ZFPM2: variants seen among roughly 807,000 people sequenced by gnomAD.
ZFPM2 encodes the protein zinc finger protein, FOG family member 2, also known as zinc finger protein ZFPM2.
In ZFPM2, 20 loss-of-function variants were observed where a neutral mutation model predicts 98.6. The ratio of observed to expected loss-of-function variants is 0.20; its 90% confidence interval spans 0.14 to 0.29. The LOEUF is 0.29. Among genes scored for constraint, ZFPM2 ranks in the 10% least tolerant of loss-of-function variants. The pLI is 1.00. For missense variants in ZFPM2, 1,310 were observed against 1,388.6 expected, an observed-to-expected ratio of 0.94 and a Z score of 0.90; for synonymous variants, 518 against 502.7, an observed-to-expected ratio of 1.03 and a Z score of -0.41.
At chr8:105,753,897 G>GTACACTCAGTATGGTCCT (rs1480093469) in intron 5 of ZFPM2, among the ~76,000 whole-genome samples, 4 of 152,266 alleles carry the variant, frequency 2.6e-5, no homozygotes, top group African/African-American at 7.2e-5. Context: ...GTTTCAGCAA[G>GTACACTCAGTATGGTCCT]TGTGTGCACT....
intron 2 of ZFPM2, among the ~76,000 whole-genome samples, chr8:105,438,530 C>T (rs548272305): frequency 6.6e-6 from 1 of 152,212 alleles, no homozygotes; most frequent in South Asian, 2.1e-4. Flanking sequence ...AGACACACTC[C>T]TTTCTATTTT....
intron 4 of ZFPM2, among the ~76,000 whole-genome samples, chr8:105,629,952 C>T (rs1262076093): frequency 6.6e-6 from 1 of 152,126 alleles, no homozygotes; most frequent in Admixed American, 6.6e-5. Context: ...TCTCATGGTA[C>T]AAAAAGTTAA....
intron 3 of ZFPM2, among the ~76,000 whole-genome samples, chr8:105,499,759 C>G (rs1385750839): frequency 1.3e-5 from 2 of 151,952 alleles, no homozygotes; most frequent in African/African-American, 4.8e-5. Context: ...AGAGGAGACC[C>G]AGGAGTTTTT....
chr8:105,756,069 G>A (rs1358113810), intron 5 of ZFPM2, among the ~76,000 whole-genome samples: 2 of 152,126 alleles, frequency 1.3e-5, no homozygotes, highest in Non-Finnish European at 2.9e-5. Flanking sequence ...TTGTGTTTCT[G>A]GGAGCTAAAA....
intron 6 of ZFPM2, among the ~76,000 whole-genome samples, chr8:105,791,660 G>A (rs1266452719): frequency 6.6e-6 from 1 of 152,186 alleles, no homozygotes; most frequent in Admixed American, 6.5e-5. Context: ...GTTTCAGAAG[G>A]AATGGTACCA....
chr8:105,481,324 G>A (rs559049656), intron 3 of ZFPM2, among the ~76,000 whole-genome samples: 45 of 152,002 alleles, frequency 3.0e-4, no homozygotes, highest in African/African-American at 1.0e-3. Flanking sequence ...TTATTTTCTC[G>A]CAGTTCTGGA....
Position 105,788,684 on chromosome 8 carries a change from T to A in ZFPM2, c.533-34T>A, listed in dbSNP as rs570938280. 2.5e-6 allele frequency: 4 copies of A among 1,603,446 alleles called. No individual in the cohort carries two copies. In the African/African-American group the frequency reaches 5.3e-5, roughly 21 times the overall value. On this transcript the variant is annotated intron_variant, in intron 5 of 7. Coordinates refer to ENST00000407775, the MANE Select transcript of ZFPM2 (RefSeq NM_012082.4). ...TTACAACAGACTCAAGCATCCTATG[T>A]CAATTTTATCTTTTTCTTTTTTCTT...
At chr8:105,342,402 T>G (rs942522342) in intron 1 of ZFPM2, among the ~76,000 whole-genome samples, 2 of 152,006 alleles carry the variant, frequency 1.3e-5, no homozygotes, top group African/African-American at 4.8e-5. Flanking sequence ...TGAAGAATCC[T>G]TCTCTTGATG....
At chr8:105,342,984 G>T (rs1330423888) in intron 1 of ZFPM2, among the ~76,000 whole-genome samples, 1 of 151,906 alleles carries the variant, frequency 6.6e-6, no homozygotes, top group Non-Finnish European at 1.5e-5. Context: ...GGCTGAGAGG[G>T]GACATACTAC....
chr8:105,714,749 C>T (rs760145612), intron 5 of ZFPM2, among the ~76,000 whole-genome samples: 8 of 151,894 alleles, frequency 5.3e-5, no homozygotes, highest in Non-Finnish European at 7.4e-5. Flanking sequence ...AGAGTATTTA[C>T]ACTATGGAAA....
At chr8:105,761,566 A>G (rs1426612446) in intron 5 of ZFPM2, among the ~76,000 whole-genome samples, 1 of 151,888 alleles carries the variant, frequency 6.6e-6, no homozygotes. Context: ...AACTAAGGAT[A>G]ATTTCATGAT....
At chr8:105,628,693 G>A (rs1296029102) in intron 4 of ZFPM2, among the ~76,000 whole-genome samples, 2 of 152,120 alleles carry the variant, frequency 1.3e-5, no homozygotes, top group African/African-American at 4.8e-5. Flanking sequence ...TCGGACTTCA[G>A]GGGAAGATTA....
chr8:105,730,714 C>T (rs1039005974), intron 5 of ZFPM2, among the ~76,000 whole-genome samples: 3 of 150,802 alleles, frequency 2.0e-5, no homozygotes, highest in Non-Finnish European at 4.4e-5. Context: ...TGAAGGAAAC[C>T]GTAGAAGAAA....
At chr8:105,637,454 A>G (rs1191407866) in intron 5 of ZFPM2, among the ~76,000 whole-genome samples, 1 of 152,144 alleles carries the variant, frequency 6.6e-6, no homozygotes, top group Non-Finnish European at 1.5e-5. Flanking sequence ...GCTATTAATG[A>G]TCTAGAATTA....
chr8:105,613,693 T>A (rs1816355476), intron 4 of ZFPM2, among the ~76,000 whole-genome samples: 1 of 152,074 alleles, frequency 6.6e-6, no homozygotes, highest in Non-Finnish European at 1.5e-5. Context: ...TTACCAACAC[T>A]CACTAAGATA....
chr8:105,355,130 G>A (rs1812717113), intron 1 of ZFPM2, among the ~76,000 whole-genome samples: 1 of 152,116 alleles, frequency 6.6e-6, no homozygotes, highest in Non-Finnish European at 1.5e-5. Flanking sequence ...CAGTGTTGTT[G>A]TAAAATCATT....
intron 5 of ZFPM2, among the ~76,000 whole-genome samples, chr8:105,713,185 T>C (rs1480568248): frequency 6.6e-6 from 1 of 152,038 alleles, no homozygotes; most frequent in East Asian, 1.9e-4. Context: ...CTTCATAGTC[T>C]CCCCGGCATG....
At chr8:105,536,101 C>G (rs1185803018) in intron 3 of ZFPM2, among the ~76,000 whole-genome samples, 1 of 152,038 alleles carries the variant, frequency 6.6e-6, no homozygotes, top group African/African-American at 2.4e-5. Flanking sequence ...ATAGTTTAAA[C>G]AAAAATTCTA....
At chr8:105,380,898 AAT>A (rs1415469386) in intron 1 of ZFPM2, among the ~76,000 whole-genome samples, 1 of 74,850 alleles carries the variant, frequency 1.3e-5, no homozygotes, top group Non-Finnish European at 2.8e-5. Context: ...TAATATATAT[AAT>A]ATATAATATA....
Sources: gnomAD v4.1 joint callset for allele counts (sites outside exome capture counted in the v4.1 genomes callset) on GRCh38, gnomAD v4.1.1 for gene constraint, MANE v1.5 for transcripts, NCBI Gene and HGNC (gene_info 2026-07-23, HGNC 2026-07-21) for gene names.